Variants in MORN1 observed in about 807,000 individuals in gnomAD.
The protein encoded by MORN1 is MORN repeat-containing protein 1.
Under a neutral mutation model 61.9 loss-of-function variants are expected in MORN1, and 67 were observed. The observed-to-expected ratio is 1.08, with a 90% CI of 0.89 to 1.33. The LOEUF is 1.33. Among genes scored for constraint, MORN1 ranks in the 40% most tolerant of loss-of-function variants. The pLI is 0.00. For missense variants in MORN1, 752 were observed against 691.2 expected, an observed-to-expected ratio of 1.09 and a Z score of -0.99; for synonymous variants, 301 against 292.0, an observed-to-expected ratio of 1.03 and a Z score of -0.31.
chr1:2,378,104 G>A (rs1185849710), intron 6 of MORN1: 1 of 152,312 alleles, frequency 6.6e-6, no homozygotes, highest in Non-Finnish European at 1.5e-5. Flanking sequence ...GAGGACCAGG[G>A]GTCCTGCATT....
At chr1:2,355,881 G>A (rs1641752801) in intron 10 of MORN1, among the ~76,000 whole-genome samples, 1 of 152,234 alleles carries the variant, frequency 6.6e-6, no homozygotes, top group Non-Finnish European at 1.5e-5. Flanking sequence ...GCACCCTTGG[G>A]ACAGGCACAC....
intron 10 of MORN1, among the ~76,000 whole-genome samples, chr1:2,354,074 C>T (rs1256489156): frequency 6.6e-6 from 1 of 152,148 alleles, no homozygotes; most frequent in Non-Finnish European, 1.5e-5. Context: ...CACGTGAGGT[C>T]AGGAGTTCGA....
intron 6 of MORN1, 72 bp from the exon 7 acceptor site, chr1:2,374,629 A>T: frequency 1.5e-6 from 2 of 1,330,980 alleles, no homozygotes; most frequent in East Asian, 2.5e-5. Flanking sequence ...ATGGCACTGC[A>T]GCTTCCTGGT....
chr1:2,323,715 G>T (rs1466418823), intron 13 of MORN1: 1 of 985,192 alleles, frequency 1.0e-6, no homozygotes, highest in Non-Finnish European at 1.2e-6. Flanking sequence ...CCTGCAGCCG[G>T]CCTTGCTGGG....
At chr1:2,387,711 C>T (rs939289006) in intron 3 of MORN1, 182 bp from the exon 4 acceptor site, 6 of 600,426 alleles carry the variant, frequency 1.0e-5, no homozygotes, top group Non-Finnish European at 1.8e-5. Context: ...CTGGTCTCCC[C>T]AACAGCTGGG....
At position 2,372,368 on chromosome 1, in the gene MORN1, T is replaced by C. The variant is rs1642141532; in HGVS notation, c.745+113A>G. 3.7e-6 allele frequency: 3 copies of C among 804,428 alleles called. No homozygotes were observed. Among genetic ancestry groups the C allele is most frequent in the African/African-American group, 1.7e-5 (1 of 57,662 alleles). 49.8% of individuals were successfully genotyped at this position (804,428 alleles called of 1,614,324 possible). ...TGCCAGGCTCTGGGCACGAAGTCACTGCTGTGCCTCAGGAGCCACATGCAA... is the reference window on the plus strand; with the variant it reads ...TGCCAGGCTCTGGGCACGAAGTCACCGCTGTGCCTCAGGAGCCACATGCAA... On this transcript the variant is annotated intron_variant, in intron 8 of 13. Transcript: ENST00000378531. The surrounding 1 kb of genome is among the most constrained non-coding windows in gnomAD (Gnocchi z 5.4).
In MORN1 at chr1:2,391,534, C is replaced by A; in HGVS notation, c.-1G>T. ...GGGTGCCCTCGCCCGCCGCTGCCAT[C>A]TTGCCGCCGAGGGTTCTCTTAGCGA... On this transcript the variant is annotated 5_prime_UTR_variant, in exon 1 of 14. Transcript: ENST00000378531. The A allele has an allele frequency of 8.0e-7, 1 of 1,250,136 alleles. No homozygotes were observed. The highest frequency in any genetic ancestry group is 2.4e-4 in the Middle Eastern group (1 of 4,198). 77.4% of individuals were successfully genotyped at this position (1,250,136 alleles called of 1,614,324 possible).
intron 6 of MORN1, chr1:2,378,670 G>T (rs2100352408): frequency 3.1e-6 from 1 of 320,052 alleles, no homozygotes; most frequent in Non-Finnish European, 6.2e-6. Flanking sequence ...CTGCCAACAT[G>T]GGTAGGAGAC....
At position 2,335,311 on chromosome 1, in the gene MORN1, C is replaced by T. The variant is rs370266607; in HGVS notation, c.1250+1158G>A. On this transcript the variant is annotated intron_variant, in intron 12 of 13. Transcript: ENST00000378531. Reference sequence around the variant, plus strand: ...TTCACTGCCTTGGCTATTTCCATACCCGCCCCACCCCCGGCGGAAGCAGGA... The same window carrying T: ...TTCACTGCCTTGGCTATTTCCATACTCGCCCCACCCCCGGCGGAAGCAGGA... Among the ~76,000 whole-genome samples, 40 of 152,316 alleles carry T rather than the reference C, an allele frequency of 2.6e-4. 1 individual carries two copies. The highest frequency in any genetic ancestry group is 7.0e-4 in the African/African-American group (29 of 41,570).
At chr1:2,322,389 G>A (rs987783591) in intron 13 of MORN1, 118 of 985,248 alleles carry the variant, frequency 1.2e-4, no homozygotes, top group Non-Finnish European at 1.4e-4. Flanking sequence ...CACACCGCAA[G>A]GCAGAGCAAC....
At chr1:2,346,349 C>T (rs1360145490) in intron 10 of MORN1, among the ~76,000 whole-genome samples, 1 of 152,192 alleles carries the variant, frequency 6.6e-6, no homozygotes, top group African/African-American at 2.4e-5. Flanking sequence ...ATTACAGGGA[C>T]CTCACCTGGC....
chr1:2,374,387 T>C, intron 7 of MORN1, 74 bp downstream of exon 7: 2 of 1,355,952 alleles, frequency 1.5e-6, no homozygotes, highest in Non-Finnish European at 2.1e-6. Context: ...GTGTTTCCCA[T>C]ATGGCTGCCC....
chr1:2,365,562 C>T (rs1166952227), intron 8 of MORN1, among the ~76,000 whole-genome samples: 1 of 149,144 alleles, frequency 6.7e-6, no homozygotes, highest in Non-Finnish European at 1.5e-5. Flanking sequence ...CTTCTCCTGC[C>T]TAATTGCCCT....
rs552000262 is a variant in MORN1, at chr1:2,385,846, T to C, written c.410A>G (p.His137Arg). The C allele has an allele frequency of 9.3e-6, 15 of 1,613,958 alleles. No homozygotes were observed. The highest frequency in any genetic ancestry group is 3.3e-5 in the South Asian group (3 of 91,086). Residue 137 changes from histidine (H) to arginine (R), a missense_variant, in exon 5 of 14, where the codon CAT becomes CGT. Coordinates refer to ENST00000378531, the MANE Select transcript of MORN1 (RefSeq NM_024848.3). ...CCCAGGGCCGTGCCTCTTGTTGTCATGGAAGGAGCCCTGGTACACTTGTCC... is the reference window on the plus strand; with the variant it reads ...CCCAGGGCCGTGCCTCTTGTTGTCACGGAAGGAGCCCTGGTACACTTGTCC... ...RDGQVYQGSF[H>R]DNKRHGPGQM...
At chr1:2,362,556 A>G (rs1569995874) in intron 8 of MORN1, among the ~76,000 whole-genome samples, 1 of 152,364 alleles carries the variant, frequency 6.6e-6, no homozygotes, top group East Asian at 1.9e-4. Context: ...AAGTAGCCCA[A>G]TCATGGGTAA....
At chr1:2,324,200 G>T in intron 12 of MORN1, 57 bp from the exon 13 acceptor site, 3 of 1,533,280 alleles carry the variant, frequency 2.0e-6, no homozygotes, top group South Asian at 1.2e-5. Context: ...CGACGACATG[G>T]CATCCCTGAC....
At chr1:2,388,126 G>A (rs538413785) in intron 3 of MORN1, 113 bp downstream of exon 3, 24 of 818,172 alleles carry the variant, frequency 2.9e-5, no homozygotes, top group African/African-American at 2.7e-4. Flanking sequence ...GGCCTCTCAC[G>A]GCACAAAGCT....
At chr1:2,378,617 C>T (rs1418320800) in intron 6 of MORN1, 11 of 281,562 alleles carry the variant, frequency 3.9e-5, no homozygotes, top group Admixed American at 4.8e-5. Context: ...CCAACACTCA[C>T]GGCGCAGCTG....
chr1:2,342,867 A>ATTTTATTTTATTT (rs370414567), intron 10 of MORN1, among the ~76,000 whole-genome samples: 1 of 101,126 alleles, frequency 9.9e-6, no homozygotes, highest in South Asian at 3.2e-4. Flanking sequence ...ATTTTATTTT[A>ATTTTATTTTATTT]TTTATTTTAT....
Sources: allele counts gnomAD v4.1 joint callset (sites outside exome capture counted in the v4.1 genomes callset), GRCh38; gene constraint gnomAD v4.1.1; non-coding constraint Gnocchi (gnomAD v3.1); transcripts MANE v1.5; gene names NCBI Gene and HGNC (gene_info 2026-07-23, HGNC 2026-07-21).